Variants in IFT56 observed in about 807,000 individuals in gnomAD.
IFT56 encodes intraflagellar transport protein 56.
the IFT56 span, among the ~76,000 whole-genome samples, chr7:139,157,941 G>A: frequency 2.5e-4 from 38 of 152,202 alleles, no homozygotes; most frequent in African/African-American, 9.2e-4. Context: ...CCAAGTGATT[G>A]CAGTGGGGTG....
At chr7:139,162,908 A>C in the IFT56 span, among the ~76,000 whole-genome samples, 1 of 151,956 alleles carries the variant, frequency 6.6e-6, no homozygotes, top group Non-Finnish European at 1.5e-5. Flanking sequence ...GCAGTGAGCC[A>C]AGATTGCACC....
chr7:139,150,414 T>C, the IFT56 span, among the ~76,000 whole-genome samples: 2 of 152,214 alleles, frequency 1.3e-5, no homozygotes, highest in South Asian at 4.1e-4. Flanking sequence ...GTATATGTCT[T>C]TTCCATAGTC....
the IFT56 span, among the ~76,000 whole-genome samples, chr7:139,148,957 T>G: frequency 2.0e-5 from 3 of 151,966 alleles, no homozygotes; most frequent in Non-Finnish European, 2.9e-5. Flanking sequence ...AAAATATGTG[T>G]GTGGCTCTGT....
At chr7:139,167,839 G>C in the IFT56 span, among the ~76,000 whole-genome samples, 2 of 152,042 alleles carry the variant, frequency 1.3e-5, no homozygotes, top group South Asian at 4.2e-4. Context: ...TACTCGGGAG[G>C]CTGAGGTAGG....
chr7:139,134,523 C>T, the IFT56 span: 5 of 982,836 alleles, frequency 5.1e-6, no homozygotes, highest in Middle Eastern at 2.3e-4. Context: ...CCGCCTTCGC[C>T]TCTCAAAGTG....
chr7:139,172,627 A>G, the IFT56 span: 19 of 599,418 alleles, frequency 3.2e-5, no homozygotes, highest in South Asian at 2.5e-4. Context: ...AATAGAGATC[A>G]AAGTGCTTCA....
the IFT56 span, among the ~76,000 whole-genome samples, chr7:139,152,962 AAC>A: frequency 6.6e-6 from 1 of 152,078 alleles, no homozygotes; most frequent in Non-Finnish European, 1.5e-5. Flanking sequence ...CAGCCTGGGC[AAC>A]ACAGTGAAAC....
the IFT56 span, among the ~76,000 whole-genome samples, chr7:139,164,826 A>G: frequency 2.0e-5 from 3 of 152,230 alleles, no homozygotes; most frequent in Non-Finnish European, 4.4e-5. Context: ...GCAAGGGTAT[A>G]GAGAGAGTGA....
At chr7:139,173,199 T>G in the IFT56 span, 10 of 544,628 alleles carry the variant, frequency 1.8e-5, no homozygotes, top group South Asian at 2.9e-5. Flanking sequence ...TTTCCTTAAT[T>G]GGAAAAAAAA....
At chr7:139,182,096 G>A in the IFT56 span, among the ~76,000 whole-genome samples, 22 of 152,020 alleles carry the variant, frequency 1.4e-4, no homozygotes, top group South Asian at 4.2e-4. Flanking sequence ...GGGTGTGTGT[G>A]TGGAGGGGCG....
At chr7:139,156,909 G>A in the IFT56 span, among the ~76,000 whole-genome samples, 2 of 152,194 alleles carry the variant, frequency 1.3e-5, no homozygotes, top group South Asian at 2.1e-4. Flanking sequence ...AGCAAGTTTT[G>A]CCATCTTGTT....
the IFT56 span, among the ~76,000 whole-genome samples, chr7:139,150,286 C>T: frequency 1.3e-5 from 2 of 152,192 alleles, no homozygotes; most frequent in African/African-American, 4.8e-5. Context: ...AGAGTTTTCA[C>T]CCGTTAGTAA....
chr7:139,174,898 G>A, the IFT56 span, among the ~76,000 whole-genome samples: 19 of 152,128 alleles, frequency 1.2e-4, no homozygotes, highest in Admixed American at 5.2e-4. Context: ...GGTGGCACCC[G>A]TAATCCCAGC....
the IFT56 span, among the ~76,000 whole-genome samples, chr7:139,186,731 A>T: frequency 2.6e-5 from 4 of 152,170 alleles, no homozygotes; most frequent in Non-Finnish European, 4.4e-5. Context: ...GAGACTTGAA[A>T]AATACTCAGT....
the IFT56 span, among the ~76,000 whole-genome samples, chr7:139,157,740 A>G: frequency 6.6e-6 from 1 of 152,076 alleles, no homozygotes; most frequent in Non-Finnish European, 1.5e-5. Flanking sequence ...TCCTGGGCTC[A>G]AGCGATCCGC....
chr7:139,188,176 C>T, the IFT56 span, among the ~76,000 whole-genome samples: 1 of 150,228 alleles, frequency 6.7e-6, no homozygotes, highest in African/African-American at 2.4e-5. Flanking sequence ...TCTCAGCTCA[C>T]TGCAACCTCT....
At chr7:139,139,861 A>G in the IFT56 span, 1 of 1,500,198 alleles carries the variant, frequency 6.7e-7, no homozygotes. Flanking sequence ...TGCTGCCAAA[A>G]TGAGATCACT....
At chr7:139,148,663 G>A in the IFT56 span, among the ~76,000 whole-genome samples, 34 of 152,272 alleles carry the variant, frequency 2.2e-4, no homozygotes, top group South Asian at 1.5e-3. Context: ...TTCTGGCCGG[G>A]CGCTGTGGCT....
the IFT56 span, among the ~76,000 whole-genome samples, chr7:139,136,982 T>C: frequency 6.6e-6 from 1 of 152,222 alleles, no homozygotes; most frequent in African/African-American, 2.4e-5. Flanking sequence ...TTTCTAATGT[T>C]GTAGAGTTAG....
Sources: allele counts gnomAD v4.1 joint callset (sites outside exome capture counted in the v4.1 genomes callset), GRCh38; gene constraint gnomAD v4.1.1; transcripts MANE v1.5; gene names NCBI Gene and HGNC (gene_info 2026-07-23, HGNC 2026-07-21).